The following TSPAN18 variants were observed in gnomAD, a reference collection of about 807,000 sequenced individuals.
TSPAN18 encodes the protein tetraspanin-18.
TSPAN18 carries 14 observed loss-of-function variants against 27.3 expected under a neutral mutation model. That is an observed-to-expected ratio of 0.51 (90% CI 0.34 to 0.80). The LOEUF (loss-of-function observed/expected upper bound fraction) is 0.80. TSPAN18 is among the 30% of genes least tolerant of loss of function. The pLI is 0.01. For synonymous variants in TSPAN18, 143 were observed against 136.5 expected (o/e 1.05, Z -0.33); for missense variants, 268 against 323.9 (o/e 0.83, Z 1.32).
rs765443858 is a variant in TSPAN18, at chr11:44,908,829, A to AAGAAAGAAAGAAAGAG, written c.64-875_64-874insGAAAGAAAGAAAGAGA. Among the ~76,000 whole-genome samples, 15 of 103,322 alleles carry AAGAAAGAAAGAAAGAG rather than the reference A, an allele frequency of 1.5e-4. 2 individuals carry two copies. The highest frequency in any genetic ancestry group is 2.7e-4 in the Non-Finnish European group (14 of 52,432). 67.8% of individuals were successfully genotyped at this position (103,322 alleles called of 152,430 possible). ...AAAGAAAGAAAGAAAGAAAGAAAGA[A>AAGAAAGAAAGAAAGAG]AAAGAAAAATGGAGCAGATATTTAT... On this transcript the variant is annotated intron_variant, in intron 4 of 9. Coordinates refer to ENST00000520358, the MANE Select transcript of TSPAN18 (RefSeq NM_130783.5).
At chr11:44,763,159 A>G (rs1855492240) in intron 1 of TSPAN18, among the ~76,000 whole-genome samples, 1 of 152,172 alleles carries the variant, frequency 6.6e-6, no homozygotes, top group African/African-American at 2.4e-5. Flanking sequence ...TTATCATTCG[A>G]GAGACCTGAA....
intron 1 of TSPAN18, among the ~76,000 whole-genome samples, chr11:44,756,279 C>G (rs1038152686): frequency 1.4e-5 from 2 of 145,586 alleles, no homozygotes; most frequent in East Asian, 4.2e-4. Flanking sequence ...GGGTGTAGCC[C>G]CCATCTGTTC....
chr11:44,889,134 T>G (rs1858759438), intron 3 of TSPAN18, among the ~76,000 whole-genome samples: 1 of 152,238 alleles, frequency 6.6e-6, no homozygotes, highest in African/African-American at 2.4e-5. Flanking sequence ...TTACCCAGTT[T>G]CATGTATTTC....
At chr11:44,780,351 T>G (rs1855910075) in intron 2 of TSPAN18, among the ~76,000 whole-genome samples, 1 of 152,198 alleles carries the variant, frequency 6.6e-6, no homozygotes, top group African/African-American at 2.4e-5. Context: ...CAGCAGGGGC[T>G]CCAGGGAGGA....
chr11:44,927,297 C>G (rs561255776), intron 9 of TSPAN18, among the ~76,000 whole-genome samples: 1 of 152,222 alleles, frequency 6.6e-6, no homozygotes, highest in Non-Finnish European at 1.5e-5. Context: ...AAGGGAGGAG[C>G]GGCCGCCTCC....
At chr11:44,812,706 G>T (rs1422569521) in intron 2 of TSPAN18, among the ~76,000 whole-genome samples, 1 of 152,156 alleles carries the variant, frequency 6.6e-6, no homozygotes, top group Non-Finnish European at 1.5e-5. Context: ...CACAGACCAG[G>T]TTCATGAAAT....
chr11:44,873,683 T>C (rs1365356022), intron 3 of TSPAN18, among the ~76,000 whole-genome samples: 1 of 152,192 alleles, frequency 6.6e-6, no homozygotes, highest in Non-Finnish European at 1.5e-5. Context: ...TCTGGGAAGC[T>C]GAAAATGAGC....
chr11:44,874,288 G>A (rs1188369209), intron 3 of TSPAN18, among the ~76,000 whole-genome samples: 2 of 152,178 alleles, frequency 1.3e-5, no homozygotes, highest in Non-Finnish European at 2.9e-5. Flanking sequence ...CTGGGCATGG[G>A]GAAAAGGGTG....
At chr11:44,903,533 T>A (rs1346180345) in intron 3 of TSPAN18, 1 of 456,386 alleles carries the variant, frequency 2.2e-6, no homozygotes, top group Admixed American at 2.3e-5. Flanking sequence ...AAGCTCCTTC[T>A]GGCAGCAGGG....
At chr11:44,815,747 C>T (rs1400653461) in intron 2 of TSPAN18, among the ~76,000 whole-genome samples, 4 of 152,092 alleles carry the variant, frequency 2.6e-5, no homozygotes, top group African/African-American at 9.7e-5. Flanking sequence ...GTGCGGGAGA[C>T]TTCAGCTCAC....
At chr11:44,748,088 A>G (rs563934851) in intron 1 of TSPAN18, among the ~76,000 whole-genome samples, 16 of 152,330 alleles carry the variant, frequency 1.1e-4, no homozygotes, top group Admixed American at 7.2e-4. Flanking sequence ...CAAAAGAGAC[A>G]AACCACTGGT....
chr11:44,727,101 G>A lies in TSPAN18; in HGVS notation c.-426G>A, dbSNP rs1183857969. ...CGGCCCCGGCCCCGGCCCCGGCCCC[G>A]GCCCCGGTCCCGGCCCCGAGCCCCG... On this transcript the variant is annotated 5_prime_UTR_variant, in exon 1 of 10. Transcript: ENST00000520358. The A allele has an allele frequency of 2.3e-5, 3 of 129,802 alleles. No homozygotes were observed. Among genetic ancestry groups the A allele is most frequent in the African/African-American group, 5.5e-5 (2 of 36,336 alleles). 8.0% of individuals were successfully genotyped at this position (129,802 alleles called of 1,614,324 possible).
intron 2 of TSPAN18, among the ~76,000 whole-genome samples, chr11:44,784,427 A>G (rs906527010): frequency 1.3e-5 from 2 of 152,064 alleles, no homozygotes; most frequent in African/African-American, 2.4e-5. Context: ...ATGTCCATCC[A>G]TTACCTCTCC....
intron 3 of TSPAN18, among the ~76,000 whole-genome samples, chr11:44,895,115 C>T (rs1278089235): frequency 6.6e-6 from 1 of 152,146 alleles, no homozygotes; most frequent in African/African-American, 2.4e-5. Flanking sequence ...GGTAAAACCT[C>T]AATCCTAGTA....
chr11:44,862,157 A>G (rs1371647620), intron 3 of TSPAN18, among the ~76,000 whole-genome samples: 2 of 151,944 alleles, frequency 1.3e-5, no homozygotes, highest in African/African-American at 4.8e-5. Flanking sequence ...GCAGAGGGGG[A>G]CGGGCACTGG....
At chr11:44,743,124 G>A (rs1854985364) in intron 1 of TSPAN18, among the ~76,000 whole-genome samples, 1 of 152,042 alleles carries the variant, frequency 6.6e-6, no homozygotes, top group Non-Finnish European at 1.5e-5. Context: ...GTTAGGGGAA[G>A]CTGTCAACAA....
At chr11:44,879,347 C>T (rs947485587) in intron 3 of TSPAN18, among the ~76,000 whole-genome samples, 1 of 152,070 alleles carries the variant, frequency 6.6e-6, no homozygotes, top group Non-Finnish European at 1.5e-5. Context: ...AACGAAATCC[C>T]CTGCCCTCTT....
chr11:44,879,832 C>G (rs10838373), intron 3 of TSPAN18, among the ~76,000 whole-genome samples: 85,585 of 152,184 alleles, frequency 0.56, 26,161 homozygotes, highest in Non-Finnish European at 0.69. Flanking sequence ...GATGGCAAAG[C>G]GGACGAAGAA....
intron 2 of TSPAN18, among the ~76,000 whole-genome samples, chr11:44,844,134 C>A (rs1486475810): frequency 6.6e-6 from 1 of 152,214 alleles, no homozygotes; most frequent in Non-Finnish European, 1.5e-5. Flanking sequence ...ATTTGGGGAA[C>A]TAATAAATGT....
Sources: gnomAD v4.1 joint callset for allele counts (sites outside exome capture counted in the v4.1 genomes callset) on GRCh38, gnomAD v4.1.1 for gene constraint, MANE v1.5 for transcripts, NCBI Gene and HGNC (gene_info 2026-07-23, HGNC 2026-07-21) for gene names.